The following PLCB1 variants were observed in gnomAD, a reference collection of about 807,000 sequenced individuals.
The protein encoded by PLCB1 is 1-phosphatidylinositol 4,5-bisphosphate phosphodiesterase beta-1.
In PLCB1, 46 loss-of-function variants were observed where a neutral mutation model predicts 161.8. The observed-to-expected ratio is 0.28, with a 90% CI of 0.22 to 0.36. The LOEUF is 0.36. PLCB1 is among the 10% of genes least tolerant of loss of function. The pLI is 1.00. For synonymous variants in PLCB1, 517 were observed against 503.7 expected, an observed-to-expected ratio of 1.03 and a Z score of -0.35; for missense variants, 1,016 against 1,472.5, an observed-to-expected ratio of 0.69 and a Z score of 5.07.
chr20:8,523,490 C>CCATATA lies in PLCB1; in HGVS notation c.247-104804_247-104803insCATATA, dbSNP rs1206489907. ...GCTCTCTCTCTCTCTCTCTCTCTCT[C>CCATATA]TCTCTCTATATATATATATATATAT... On this transcript the variant is annotated intron_variant, in intron 3 of 31. Transcript: ENST00000338037. Among the ~76,000 whole-genome samples, 334 of 67,598 alleles carry CCATATA rather than the reference C, an allele frequency of 4.9e-3. 65 individuals are homozygous for CCATATA. Among genetic ancestry groups the CCATATA allele is most frequent in the African/African-American group, 0.013 (205 of 15,410 alleles). The allele number at this position is 67,598 out of a possible 152,430, so 44.3% of individuals were successfully genotyped here. A position where few individuals can be genotyped will look rare whatever the true frequency, so the allele number is the denominator to read the frequency against.
chr20:8,223,306 C>G (rs893649004), intron 2 of PLCB1, among the ~76,000 whole-genome samples: 5 of 152,124 alleles, frequency 3.3e-5, no homozygotes, highest in Non-Finnish European at 7.4e-5. Flanking sequence ...TCTGTAAGAT[C>G]ACTCTGTCCT....
chr20:8,667,900 A>G (rs141017110), intron 9 of PLCB1, among the ~76,000 whole-genome samples: 2 of 152,222 alleles, frequency 1.3e-5, no homozygotes, highest in Non-Finnish European at 2.9e-5. Flanking sequence ...AGCAGAACAC[A>G]GCATTGACAA....
intron 3 of PLCB1, among the ~76,000 whole-genome samples, chr20:8,498,316 C>T (rs908525982): frequency 5.3e-5 from 8 of 152,012 alleles, no homozygotes; most frequent in East Asian, 1.9e-4. Flanking sequence ...AAGATGGTCT[C>T]GATCTCCTGA....
In PLCB1 at chr20:8,212,251, AG is replaced by A. The variant is rs1459142108; in HGVS notation, c.177+61881del. Reference sequence around the variant, plus strand: ...TGATTTTTGTTTTGCTTTATTTTCAAGCAAATCAAAACTTCTTCAGCATAAA... The same window carrying A: ...TGATTTTTGTTTTGCTTTATTTTCAACAAATCAAAACTTCTTCAGCATAAA... On this transcript the variant is annotated intron_variant, in intron 2 of 31. Coordinates refer to ENST00000338037, the MANE Select transcript of PLCB1 (RefSeq NM_015192.4). Among the ~76,000 whole-genome samples, 41 of 152,252 alleles carry A rather than the reference AG, an allele frequency of 2.7e-4. 1 individual carries two copies. The Middle Eastern group carries it at 0.014, about 51-fold the overall frequency.
intron 3 of PLCB1, among the ~76,000 whole-genome samples, chr20:8,477,020 A>G (rs1350914233): frequency 6.6e-6 from 1 of 152,200 alleles, no homozygotes; most frequent in Non-Finnish European, 1.5e-5. Flanking sequence ...TTTTTCTGAA[A>G]TCAGGCTGTA....
At chr20:8,507,246 T>C (rs1046829798) in intron 3 of PLCB1, among the ~76,000 whole-genome samples, 1 of 152,140 alleles carries the variant, frequency 6.6e-6, no homozygotes, top group Admixed American at 6.5e-5. Flanking sequence ...GACTTGGTCT[T>C]ACTGTCTCAG....
At chr20:8,402,947 T>A (rs904030853) in intron 3 of PLCB1, among the ~76,000 whole-genome samples, 2 of 152,218 alleles carry the variant, frequency 1.3e-5, no homozygotes, top group Non-Finnish European at 2.9e-5. Context: ...ATTTCTAAAT[T>A]TTATATCTAT....
At chr20:8,531,829 A>G (rs1984828561) in intron 3 of PLCB1, among the ~76,000 whole-genome samples, 3 of 151,882 alleles carry the variant, frequency 2.0e-5, no homozygotes, top group Admixed American at 2.0e-4. Context: ...GAAATAAAAA[A>G]TTGTTTCCAC....
chr20:8,511,274 G>A (rs895614314), intron 3 of PLCB1, among the ~76,000 whole-genome samples: 8 of 151,954 alleles, frequency 5.3e-5, no homozygotes, highest in Non-Finnish European at 1.0e-4. Flanking sequence ...CTTCCTCCAA[G>A]TTCATTCATG....
At chr20:8,316,550 T>G (rs1034091267) in intron 2 of PLCB1, among the ~76,000 whole-genome samples, 17 of 152,182 alleles carry the variant, frequency 1.1e-4, no homozygotes, top group Admixed American at 2.6e-4. Flanking sequence ...TGGCCGAGAC[T>G]TCTATGGCAA....
chr20:8,234,778 T>A (rs772179693), intron 2 of PLCB1, among the ~76,000 whole-genome samples: 10 of 152,138 alleles, frequency 6.6e-5, no homozygotes, highest in Non-Finnish European at 1.3e-4. Flanking sequence ...AGTATTTAAC[T>A]AAAAATAGAC....
At chr20:8,332,968 T>C (rs1394394014) in intron 2 of PLCB1, among the ~76,000 whole-genome samples, 1 of 152,204 alleles carries the variant, frequency 6.6e-6, no homozygotes, top group African/African-American at 2.4e-5. Flanking sequence ...AGCTGATCAC[T>C]AAAAATACAC....
chr20:8,860,031 G>T (rs1344508431), intron 31 of PLCB1, among the ~76,000 whole-genome samples: 2 of 152,090 alleles, frequency 1.3e-5, no homozygotes, highest in African/African-American at 2.4e-5. Context: ...TAAGTAATTG[G>T]AGACTGTGGA....
chr20:8,618,628 G>A (rs1988094730), intron 3 of PLCB1, among the ~76,000 whole-genome samples: 1 of 152,154 alleles, frequency 6.6e-6, no homozygotes, highest in East Asian at 1.9e-4. Context: ...ATTGAAAATT[G>A]AGGTCTTAGA....
chr20:8,347,962 A>G lies in PLCB1; in HGVS notation c.178-23420A>G, dbSNP rs539927386. ...ACTCCAGCCTGGGTGACAGAGCGAGACTCCATCTCAAAAAAAAGAAAAAAA... is the reference window on the plus strand; with the variant it reads ...ACTCCAGCCTGGGTGACAGAGCGAGGCTCCATCTCAAAAAAAAGAAAAAAA... On this transcript the variant is annotated intron_variant, in intron 2 of 31. Transcript: ENST00000338037. Among the ~76,000 whole-genome samples, 33 of 151,364 alleles carry G rather than the reference A, an allele frequency of 2.2e-4. No homozygotes were observed. The East Asian group carries it at 6.2e-3, about 28-fold the overall frequency.
chr20:8,268,841 T>C (rs1982121576), intron 2 of PLCB1, among the ~76,000 whole-genome samples: 1 of 151,876 alleles, frequency 6.6e-6, no homozygotes, highest in African/African-American at 2.4e-5. Flanking sequence ...CTATGTATTT[T>C]TTTTAAATTC....
In PLCB1 at chr20:8,405,127, T is replaced by C. The variant is rs563511798; in HGVS notation, c.246+33677T>C. On this transcript the variant is annotated intron_variant, in intron 3 of 31. Coordinates refer to ENST00000338037, the MANE Select transcript of PLCB1 (RefSeq NM_015192.4). ...TAAAACAATAAACATTTGTTATTGC[T>C]AATGAGTTTGCAGGTCAGCTGAGTG... Among the ~76,000 whole-genome samples the C allele has an allele frequency of 2.6e-5, 4 of 152,290 alleles. No homozygotes were observed. In the East Asian group the frequency reaches 5.8e-4, roughly 22 times the overall value.
At chr20:8,572,690 G>C (rs6039200) in intron 3 of PLCB1, among the ~76,000 whole-genome samples, 90,019 of 151,926 alleles carry the variant, frequency 0.59, 27,439 homozygotes, top group African/African-American at 0.7. Context: ...TCCATTGTTC[G>C]ATCAGACTTC....
chr20:8,763,327 G>A (rs1003433852), intron 25 of PLCB1, among the ~76,000 whole-genome samples: 2 of 151,990 alleles, frequency 1.3e-5, no homozygotes, highest in Non-Finnish European at 2.9e-5. Flanking sequence ...TCAGCCTCCC[G>A]AGTGGCTGGG....
Sources: allele counts gnomAD v4.1 joint callset (sites outside exome capture counted in the v4.1 genomes callset), GRCh38; gene constraint gnomAD v4.1.1; transcripts MANE v1.5; gene names NCBI Gene and HGNC (gene_info 2026-07-23, HGNC 2026-07-21).